SLC25A40: variants seen among roughly 807,000 people sequenced by gnomAD.
The protein encoded by SLC25A40 is mitochondrial glutathione transporter SLC25A40.
SLC25A40 carries 41 observed loss-of-function variants against 46.5 expected under a neutral mutation model. The ratio of observed to expected loss-of-function variants is 0.88; its 90% CI spans 0.69 to 1.14. The LOEUF (loss-of-function observed/expected upper bound fraction) is 1.14, where lower values mean the gene tolerates loss of function less well. SLC25A40 is among the 50% of genes most tolerant of loss of function. The pLI is 0.00. For synonymous variants in SLC25A40, 126 were observed against 127.5 expected (o/e 0.99, Z 0.08); for missense variants, 386 against 393.6 (o/e 0.98, Z 0.16).
intron 9 of SLC25A40, 25 bp downstream of exon 9, chr7:87,843,729 A>G (rs780141863): frequency 2.8e-5 from 43 of 1,512,310 alleles, no homozygotes; most frequent in Non-Finnish European, 3.8e-5. Flanking sequence ...CTTCTGGAAT[A>G]TTAACAACAA....
chr7:87,836,194 TA>T lies in SLC25A40; in HGVS notation c.*54del. The T allele has an allele frequency of 1.9e-6, 2 of 1,037,394 alleles. No individual in the cohort carries two copies. Among genetic ancestry groups the T allele is most frequent in the Non-Finnish European group, 2.9e-6 (2 of 691,114 alleles). 64.3% of individuals were successfully genotyped at this position (1,037,394 alleles called of 1,614,324 possible). A position where few individuals can be genotyped will look rare whatever the true frequency, so the allele number is the denominator to read the frequency against. On this transcript the variant is annotated 3_prime_UTR_variant, in exon 12 of 12. Coordinates refer to ENST00000341119, the MANE Select transcript of SLC25A40 (RefSeq NM_018843.4). ...AATAATGGTGAAAAACATTCTTGCC[TA>T]AGAGTCTCCATCTTCTTTGGCTATA...
At chr7:87,848,842 A>T (rs1342263257) in intron 6 of SLC25A40, among the ~76,000 whole-genome samples, 1 of 152,184 alleles carries the variant, frequency 6.6e-6, no homozygotes, top group African/African-American at 2.4e-5. Flanking sequence ...TATATGGTGG[A>T]CTTTGCTGCT....
chr7:87,850,555 C>A (rs1838491980), intron 5 of SLC25A40, among the ~76,000 whole-genome samples: 1 of 152,034 alleles, frequency 6.6e-6, no homozygotes. Flanking sequence ...ACCCCTTGAG[C>A]CCAGGAGTTC....
intron 6 of SLC25A40, 122 bp downstream of exon 6, chr7:87,849,759 A>C: frequency 1.4e-6 from 1 of 689,878 alleles, no homozygotes; most frequent in East Asian, 3.1e-5. Context: ...GGCTTAAAAA[A>C]CAATACCTCA....
intron 4 of SLC25A40, among the ~76,000 whole-genome samples, chr7:87,855,774 T>A (rs1192091993): frequency 6.6e-6 from 1 of 152,216 alleles, no homozygotes; most frequent in Non-Finnish European, 1.5e-5. Flanking sequence ...AAAATATGGT[T>A]GCAATGCCAT....
rs746617087 is a variant in SLC25A40 at position 87,843,747 on chromosome 7, A to AACTT, written c.741+3_741+6dup. The AACTT allele has an allele frequency of 5.7e-5, 90 of 1,582,898 alleles. No individual in the cohort carries two copies. The African/African-American group carries it at 1.1e-3, about 19-fold the overall frequency. On this transcript the variant is annotated splice_region_variant and intron_variant, in intron 9 of 11. Coordinates refer to ENST00000341119, the MANE Select transcript of SLC25A40 (RefSeq NM_018843.4). ...CTGGAATATTAACAACAAAAGAATA[A>AACTT]ACTTACAGAACCAGACAATGCCCCT...
At chr7:87,859,907 G>C (rs1392034835) in intron 2 of SLC25A40, among the ~76,000 whole-genome samples, 1 of 151,890 alleles carries the variant, frequency 6.6e-6, no homozygotes, top group Non-Finnish European at 1.5e-5. Flanking sequence ...TTTAAAACTT[G>C]ATACAGGGCC....
chr7:87,841,674 G>A lies in SLC25A40; in HGVS notation c.782C>T (p.Thr261Ile), dbSNP rs373522060. ...VATLPFDVVK[T>I]QKQTQLWTYE... ...TGTCCAAAGTTGTGTCTGCTTTTGTGTTTTTACTACATCAAATGGTAAAGT... is the reference window on the plus strand; with the variant it reads ...TGTCCAAAGTTGTGTCTGCTTTTGTATTTTTACTACATCAAATGGTAAAGT... Residue 261 changes from threonine to isoleucine, a missense_variant, in exon 10 of 12, where the codon ACA becomes ATA. Thr to Ile is a moderately conservative substitution (Grantham distance 89). Coordinates refer to ENST00000341119, the MANE Select transcript of SLC25A40 (RefSeq NM_018843.4). 8.5e-6 allele frequency: 13 copies of A among 1,527,298 alleles called. No individual in the cohort carries two copies. Among genetic ancestry groups the A allele is most frequent in the African/African-American group, 1.4e-5 (1 of 71,556 alleles). The allele number at this position is 1,527,298 out of a possible 1,614,324, so 94.6% of individuals were successfully genotyped here.
At chr7:87,859,601 C>G (rs1276500753) in intron 2 of SLC25A40, among the ~76,000 whole-genome samples, 1 of 152,110 alleles carries the variant, frequency 6.6e-6, no homozygotes, top group Non-Finnish European at 1.5e-5. Flanking sequence ...TGTCCGTGTA[C>G]ATACAGCTTT....
Position 87,837,963 on chromosome 7 carries a change from A to T in SLC25A40, c.824-1153T>A, listed in dbSNP as rs539416925. On this transcript the variant is annotated intron_variant, in intron 10 of 11. Transcript: ENST00000341119. Reference sequence around the variant, plus strand: ...GCCTGGGAGAGAAAAGTTAAAGATAAAATGGTATCTTTCAAAAATGACTTT... The same window carrying T: ...GCCTGGGAGAGAAAAGTTAAAGATATAATGGTATCTTTCAAAAATGACTTT... 1.3e-3 allele frequency among the ~76,000 whole-genome samples: 198 copies of T among 151,674 alleles called. 2 individuals are homozygous for T. The South Asian group carries it at 0.016, about 12-fold the overall frequency.
rs1277741066 is a variant in SLC25A40, at chr7:87,833,579, A to G, written c.*2670T>C. On this transcript the variant is annotated 3_prime_UTR_variant, in exon 12 of 12. Transcript: ENST00000341119. ...TGACAGATTAAATATAAAAGCAGTA[A>G]TATCTTTTATTTAAAAAGTTCATCT... 1 of 151,928 alleles carries G rather than the reference A, an allele frequency of 6.6e-6. No individual in the cohort carries two copies. Among genetic ancestry groups the G allele is most frequent in the East Asian group, 1.9e-4 (1 of 5,198 alleles). The allele number at this position is 151,928 out of a possible 1,614,324, so 9.4% of individuals were successfully genotyped here.
At chr7:87,875,960 A>T (rs1327770538) in intron 1 of SLC25A40, 136 bp downstream of exon 1, 1 of 152,318 alleles carries the variant, frequency 6.6e-6, no homozygotes, top group Non-Finnish European at 1.5e-5. Flanking sequence ...CGCGCTGAGC[A>T]GGGGCTGCGG....
chr7:87,873,757 C>G (rs190511681), intron 1 of SLC25A40, among the ~76,000 whole-genome samples: 2 of 152,188 alleles, frequency 1.3e-5, no homozygotes, highest in Non-Finnish European at 2.9e-5. Flanking sequence ...CCCATGGTCA[C>G]AAAACTAGTT....
chr7:87,839,486 G>A (rs1838300788), intron 10 of SLC25A40, among the ~76,000 whole-genome samples: 1 of 148,458 alleles, frequency 6.7e-6, no homozygotes, highest in Non-Finnish European at 1.5e-5. Context: ...AATATTAAAT[G>A]TGTTCAGAGA....
At chr7:87,875,961 G>A (rs1055778283) in intron 1 of SLC25A40, 135 bp downstream of exon 1, 1 of 152,360 alleles carries the variant, frequency 6.6e-6, no homozygotes, top group Admixed American at 6.5e-5. Flanking sequence ...GCGCTGAGCA[G>A]GGGCTGCGGC....
At chr7:87,843,182 C>T (rs1838359763) in intron 9 of SLC25A40, among the ~76,000 whole-genome samples, 2 of 152,048 alleles carry the variant, frequency 1.3e-5, no homozygotes, top group South Asian at 4.1e-4. Flanking sequence ...CTGCCAATGT[C>T]ATGGTGATAT....
At chr7:87,871,756 T>C (rs1838899274) in intron 1 of SLC25A40, among the ~76,000 whole-genome samples, 2 of 152,236 alleles carry the variant, frequency 1.3e-5, no homozygotes, top group Non-Finnish European at 2.9e-5. Flanking sequence ...TTAGGGATGC[T>C]GATCCATAAT....
chr7:87,862,865 G>C (rs1352353726), intron 1 of SLC25A40, among the ~76,000 whole-genome samples: 4 of 152,136 alleles, frequency 2.6e-5, no homozygotes, highest in Non-Finnish European at 5.9e-5. Flanking sequence ...AGAACTATCA[G>C]ATTTCGTGAG....
At chr7:87,855,334 GAATTT>G (rs961102694) in intron 4 of SLC25A40, among the ~76,000 whole-genome samples, 1 of 152,130 alleles carries the variant, frequency 6.6e-6, no homozygotes, top group Admixed American at 6.5e-5. Flanking sequence ...GACAAAACTA[GAATTT>G]TTTTTTAAAT....
Sources: gnomAD v4.1 joint callset for allele counts (sites outside exome capture counted in the v4.1 genomes callset) on GRCh38, gnomAD v4.1.1 for gene constraint, MANE v1.5 for transcripts, NCBI Gene and HGNC (gene_info 2026-07-23, HGNC 2026-07-21) for gene names.